Variants in VAT1L observed in about 807,000 individuals in gnomAD.
The protein encoded by VAT1L is putative NADPH-dependent quinone oxidoreductase VAT1L.
In VAT1L, 34 loss-of-function variants were observed where a neutral mutation model predicts 44.1. The ratio of observed to expected loss-of-function variants is 0.77; its 90% CI spans 0.59 to 1.03. The LOEUF (loss-of-function observed/expected upper bound fraction) is 1.03, where lower values mean the gene tolerates loss of function less well. Ranked by LOEUF, VAT1L falls within the 50% of genes least tolerant of loss-of-function variation. The pLI is 0.00. For missense variants in VAT1L, 615 were observed against 538.8 expected, an observed-to-expected ratio of 1.14 and a Z score of -1.40; for synonymous variants, 253 against 202.2, an observed-to-expected ratio of 1.25 and a Z score of -2.13.
chr16:77,900,914 G>A (rs1270690674), intron 7 of VAT1L, among the ~76,000 whole-genome samples: 1 of 151,972 alleles, frequency 6.6e-6, no homozygotes, highest in Non-Finnish European at 1.5e-5. Flanking sequence ...GGCATGTTAT[G>A]ATGCTTTTCT....
At chr16:77,919,360 T>A (rs1226054761) in intron 7 of VAT1L, among the ~76,000 whole-genome samples, 1 of 152,208 alleles carries the variant, frequency 6.6e-6, no homozygotes, top group Non-Finnish European at 1.5e-5. Context: ...AAACAAAACA[T>A]TCTCCAATTA....
chr16:77,842,585 A>G (rs1177284756), intron 3 of VAT1L, among the ~76,000 whole-genome samples: 1 of 152,212 alleles, frequency 6.6e-6, no homozygotes, highest in African/African-American at 2.4e-5. Flanking sequence ...AGCCCAGGAG[A>G]ACATGATACT....
chr16:77,896,290 T>C (rs1362761700), intron 7 of VAT1L, among the ~76,000 whole-genome samples: 2 of 152,150 alleles, frequency 1.3e-5, no homozygotes, highest in Non-Finnish European at 2.9e-5. Context: ...GTGTCGACTC[T>C]TCCGTAAAAC....
chr16:77,904,831 A>T (rs988728115), intron 7 of VAT1L, among the ~76,000 whole-genome samples: 2 of 151,950 alleles, frequency 1.3e-5, no homozygotes, highest in African/African-American at 4.8e-5. Flanking sequence ...TGTAAGAAAA[A>T]TTTTTTTTCA....
At chr16:77,922,966 G>A (rs1314830678) in intron 7 of VAT1L, among the ~76,000 whole-genome samples, 1 of 152,110 alleles carries the variant, frequency 6.6e-6, no homozygotes, top group African/African-American at 2.4e-5. Context: ...CTTCGTTGAC[G>A]TCTACAAGCA....
At chr16:77,848,130 G>A (rs1330887096) in intron 3 of VAT1L, among the ~76,000 whole-genome samples, 2 of 152,156 alleles carry the variant, frequency 1.3e-5, no homozygotes, top group Non-Finnish European at 2.9e-5. Context: ...ATAGTTTTGT[G>A]TGTCATGCTT....
intron 7 of VAT1L, among the ~76,000 whole-genome samples, chr16:77,885,989 TTATGACAAAATAAA>T (rs746893799): frequency 3.3e-5 from 5 of 152,170 alleles, no homozygotes; most frequent in Admixed American, 6.5e-5. Context: ...ACCTTGTTTC[TTATGACAAAATAAA>T]TACTCATTAC....
intron 7 of VAT1L, among the ~76,000 whole-genome samples, chr16:77,951,460 C>T (rs555587022): frequency 2.6e-5 from 4 of 152,268 alleles, no homozygotes; most frequent in African/African-American, 7.2e-5. Context: ...GCAGGAGAAT[C>T]GCTTGAACCC....
At position 77,971,809 on chromosome 16, in the gene VAT1L, C is replaced by G. The variant is rs745843672; in HGVS notation, c.1078-41C>G. ...GGCCCCCTTTTTAACTGGGGAACAT[C>G]TCGCCTAACCAGCACCTCTGTTTCT... On this transcript the variant is annotated intron_variant, in intron 7 of 8. Transcript: ENST00000302536. The G allele has an allele frequency of 3.8e-6, 6 of 1,589,660 alleles. No individual in the cohort carries two copies. The East Asian group carries it at 1.1e-4, about 30-fold the overall frequency.
chr16:77,959,330 G>T (rs757709703), intron 7 of VAT1L, among the ~76,000 whole-genome samples: 2 of 152,160 alleles, frequency 1.3e-5, no homozygotes, highest in African/African-American at 2.4e-5. Context: ...GAAGCTACTT[G>T]GCAAAAGCCA....
At chr16:77,914,967 A>C (rs2017537273) in intron 7 of VAT1L, among the ~76,000 whole-genome samples, 1 of 152,176 alleles carries the variant, frequency 6.6e-6, no homozygotes, top group Non-Finnish European at 1.5e-5. Flanking sequence ...CTCTACTAAA[A>C]ATACAAAATT....
At chr16:77,882,562 G>C (rs982959597) in intron 6 of VAT1L, among the ~76,000 whole-genome samples, 1 of 152,202 alleles carries the variant, frequency 6.6e-6, no homozygotes, top group Non-Finnish European at 1.5e-5. Context: ...GGAACAGTGA[G>C]GAAATTGAGC....
chr16:77,936,632 G>A (rs562075190), intron 7 of VAT1L, among the ~76,000 whole-genome samples: 3 of 152,310 alleles, frequency 2.0e-5, no homozygotes, highest in South Asian at 4.1e-4. Context: ...GCGAGAGAGC[G>A]TGCTTCCTAC....
At position 77,959,946 on chromosome 16, in the gene VAT1L, C is replaced by G. The variant is rs1370380271; in HGVS notation, c.1078-11904C>G. On this transcript the variant is annotated intron_variant, in intron 7 of 8. Coordinates refer to ENST00000302536, the MANE Select transcript of VAT1L (RefSeq NM_020927.3). ...CAAGGCCATTGGCTTTTTTCAGTCT[C>G]TCCTGTCACATTCCACTTCCTCTGC... Among the ~76,000 whole-genome samples, 4 of 152,160 alleles carry G rather than the reference C, an allele frequency of 2.6e-5. No homozygotes were observed. In the East Asian group the frequency reaches 5.8e-4, roughly 22 times the overall value.
At chr16:77,827,164 A>G (rs1458687196) in intron 3 of VAT1L, among the ~76,000 whole-genome samples, 1 of 152,232 alleles carries the variant, frequency 6.6e-6, no homozygotes, top group African/African-American at 2.4e-5. Flanking sequence ...AGCATCCCGT[A>G]GAAAAGAAAT....
intron 4 of VAT1L, among the ~76,000 whole-genome samples, chr16:77,869,959 A>G (rs1441639024): frequency 6.6e-6 from 1 of 152,178 alleles, no homozygotes; most frequent in Non-Finnish European, 1.5e-5. Context: ...CCTGGCACAT[A>G]ATAGGAGCTT....
At chr16:77,958,409 G>A (rs2018126668) in intron 7 of VAT1L, among the ~76,000 whole-genome samples, 1 of 152,134 alleles carries the variant, frequency 6.6e-6, no homozygotes, top group Non-Finnish European at 1.5e-5. Context: ...AAGGGACTGA[G>A]CATCTCCATA....
At chr16:77,882,055 G>A (rs909608323) in intron 6 of VAT1L, 6 of 152,212 alleles carry the variant, frequency 3.9e-5, no homozygotes, top group South Asian at 2.1e-4. Flanking sequence ...TTTCCAGAAC[G>A]CTTTGTACCT....
chr16:77,810,109 A>G (rs1035527292), intron 1 of VAT1L, among the ~76,000 whole-genome samples: 3 of 152,252 alleles, frequency 2.0e-5, no homozygotes, highest in Non-Finnish European at 4.4e-5. Context: ...GACTAAGATC[A>G]AAAATTCAAC....
Sources: allele counts gnomAD v4.1 joint callset (sites outside exome capture counted in the v4.1 genomes callset), GRCh38; gene constraint gnomAD v4.1.1; transcripts MANE v1.5; gene names NCBI Gene and HGNC (gene_info 2026-07-23, HGNC 2026-07-21).